AGMO: variants seen among roughly 807,000 people sequenced by gnomAD.
The protein encoded by AGMO is glyceryl-ether monooxygenase.
AGMO carries 75 observed loss-of-function variants against 60.2 expected under a neutral mutation model. The ratio of observed to expected loss-of-function variants is 1.25; its 90% confidence interval spans 1.03 to 1.51. AGMO has a LOEUF of 1.51. AGMO is among the 40% of genes most tolerant of loss of function. The pLI is 0.00. For missense variants in AGMO, 763 were observed against 525.5 expected (o/e 1.45, Z -4.42); for synonymous variants, 261 against 177.1 (o/e 1.47, Z -3.76).
intron 3 of AGMO, among the ~76,000 whole-genome samples, chr7:15,516,100 A>G (rs953332457): frequency 3.9e-5 from 6 of 152,212 alleles, no homozygotes; most frequent in African/African-American, 1.4e-4. Flanking sequence ...CAATGTATAC[A>G]TATTTCAAAA....
intron 5 of AGMO, among the ~76,000 whole-genome samples, chr7:15,417,567 T>C (rs73066598): frequency 0.19 from 28,539 of 152,132 alleles, 2,797 homozygotes; most frequent in Non-Finnish European, 0.21. Context: ...GGCCGCAACA[T>C]CTCTTTCAGA....
chr7:15,449,703 G>C (rs1422109643), intron 3 of AGMO, among the ~76,000 whole-genome samples: 1 of 152,170 alleles, frequency 6.6e-6, no homozygotes, highest in East Asian at 1.9e-4. Flanking sequence ...CAGTATATCT[G>C]TTATAGTTTG....
intron 10 of AGMO, among the ~76,000 whole-genome samples, chr7:15,381,016 A>C (rs1459869705): frequency 1.3e-5 from 2 of 152,052 alleles, no homozygotes; most frequent in Non-Finnish European, 2.9e-5. Flanking sequence ...CCCTTACTGC[A>C]TATACAAAAA....
intron 12 of AGMO, among the ~76,000 whole-genome samples, chr7:15,259,239 T>C (rs182078579): frequency 5.3e-5 from 8 of 152,082 alleles, no homozygotes; most frequent in Admixed American, 4.6e-4. Flanking sequence ...AAATGAAGCA[T>C]GCACTTAGAG....
intron 10 of AGMO, among the ~76,000 whole-genome samples, chr7:15,383,975 C>A (rs1196228105): frequency 6.6e-6 from 1 of 151,730 alleles, no homozygotes; most frequent in Non-Finnish European, 1.5e-5. Context: ...TCGCTCTGTC[C>A]CCCAGGCTGG....
At chr7:15,238,543 T>G (rs1015925782) in intron 12 of AGMO, among the ~76,000 whole-genome samples, 2 of 151,744 alleles carry the variant, frequency 1.3e-5, no homozygotes, top group African/African-American at 2.4e-5. Flanking sequence ...TATGTACAAC[T>G]ATAATATTAA....
intron 12 of AGMO, among the ~76,000 whole-genome samples, chr7:15,316,611 C>T (rs75916022): frequency 2.6e-3 from 85 of 32,986 alleles, no homozygotes; most frequent in Non-Finnish European, 6.4e-4. Context: ...AACAAATATA[C>T]ACACACACAC....
chr7:15,171,803 T>A, the AGMO span, among the ~76,000 whole-genome samples: 1 of 152,320 alleles, frequency 6.6e-6, no homozygotes, highest in Admixed American at 6.5e-5. Context: ...CTGCAATAAA[T>A]ATCAAGAAAC....
At chr7:15,260,560 A>G (rs934353179) in intron 12 of AGMO, among the ~76,000 whole-genome samples, 2 of 152,122 alleles carry the variant, frequency 1.3e-5, no homozygotes, top group African/African-American at 4.8e-5. Context: ...CAGCAACACA[A>G]TAATAGTGGG....
chr7:15,348,463 T>C (rs916037142), intron 12 of AGMO, among the ~76,000 whole-genome samples: 20 of 152,046 alleles, frequency 1.3e-4, no homozygotes, highest in Non-Finnish European at 1.6e-4. Flanking sequence ...GAAAGAAAGT[T>C]GTATGAAGAC....
chr7:15,422,934 C>G (rs140507122), intron 4 of AGMO, among the ~76,000 whole-genome samples: 6 of 151,914 alleles, frequency 3.9e-5, no homozygotes, highest in African/African-American at 4.8e-5. Context: ...TTAGTTTGGA[C>G]GAGGTAAGTA....
chr7:15,210,459 G>T (rs1781556923), intron 12 of AGMO, among the ~76,000 whole-genome samples: 1 of 151,990 alleles, frequency 6.6e-6, no homozygotes, highest in Admixed American at 6.6e-5. Context: ...TCACTTTCTG[G>T]ATTTGTTATT....
intron 5 of AGMO, among the ~76,000 whole-genome samples, chr7:15,402,747 T>G (rs1465707028): frequency 6.6e-6 from 1 of 151,094 alleles, no homozygotes; most frequent in Non-Finnish European, 1.5e-5. Flanking sequence ...AAGGGTTTTC[T>G]ATCAACACTA....
At chr7:15,524,862 CA>C (rs5882524) in intron 3 of AGMO, among the ~76,000 whole-genome samples, 54 of 135,490 alleles carry the variant, frequency 4.0e-4, no homozygotes, top group Middle Eastern at 3.9e-3. Flanking sequence ...AATTCCATCT[CA>C]AAAAAAAAAA....
chr7:15,225,493 G>A lies in AGMO; in HGVS notation c.1264-24134C>T, dbSNP rs74708554. On this transcript the variant is annotated intron_variant, in intron 12 of 12. Transcript: ENST00000342526. The stretch of plus-strand genomic sequence containing the variant: ...TTATTTCACATGATTATAAAATTGT[G>A]TGAAAATTTACCATCCTACCAGAAG... Among the ~76,000 whole-genome samples the A allele has an allele frequency of 9.1e-3, 1,382 of 151,890 alleles. 23 individuals are homozygous for A. The highest frequency in any genetic ancestry group is 0.032 in the African/African-American group (1,319 of 41,476).
At chr7:15,247,470 A>AGAGAGAGAGAGG (rs1246968696) in intron 12 of AGMO, among the ~76,000 whole-genome samples, 197 of 149,898 alleles carry the variant, frequency 1.3e-3, no homozygotes, top group African/African-American at 3.6e-3. Flanking sequence ...AGAGAGAGAG[A>AGAGAGAGAGAGG]GAGAGAGAGG....
At chr7:15,535,624 A>G (rs1394836599) in intron 3 of AGMO, among the ~76,000 whole-genome samples, 2 of 151,846 alleles carry the variant, frequency 1.3e-5, no homozygotes, top group Non-Finnish European at 2.9e-5. Context: ...GTAAGCACCC[A>G]AAGGGTAACA....
At position 15,444,179 on chromosome 7, in the gene AGMO, G is replaced by A. The variant is rs547298052; in HGVS notation, c.410-13071C>T. On this transcript the variant is annotated intron_variant, in intron 3 of 12. Transcript: ENST00000342526. ...TTTTTAATTAAACATATGCTAATCA[G>A]GTAAAATTGGTTCATATCCATGATC... Among the ~76,000 whole-genome samples the A allele has an allele frequency of 1.2e-4, 18 of 152,054 alleles. No individual in the cohort carries two copies. In the East Asian group the frequency reaches 2.5e-3, roughly 21 times the overall value.
the AGMO span, among the ~76,000 whole-genome samples, chr7:15,184,036 A>G: frequency 6.6e-6 from 1 of 152,136 alleles, no homozygotes; most frequent in Non-Finnish European, 1.5e-5. Flanking sequence ...TCTCCTGGGA[A>G]AGCACCCTTT....
Sources: allele counts gnomAD v4.1 joint callset (sites outside exome capture counted in the v4.1 genomes callset), GRCh38; gene constraint gnomAD v4.1.1; transcripts MANE v1.5; gene names NCBI Gene and HGNC (gene_info 2026-07-23, HGNC 2026-07-21).